GABRG3: variants seen among roughly 807,000 people sequenced by gnomAD.
The protein encoded by GABRG3 is gamma-aminobutyric acid type A receptor subunit gamma3.
In GABRG3, 25 loss-of-function variants were observed where a neutral mutation model predicts 48.8. The ratio of observed to expected loss-of-function variants is 0.51; its 90% CI spans 0.37 to 0.72. GABRG3 has a LOEUF of 0.72. GABRG3 is among the 30% of genes least tolerant of loss of function. The pLI, the probability that GABRG3 is intolerant of heterozygous loss-of-function variation, is 0.00. For synonymous variants in GABRG3, 227 were observed against 217.6 expected (o/e 1.04, Z -0.38); for missense variants, 394 against 577.9 (o/e 0.68, Z 3.26).
In GABRG3 at chr15:27,234,921, G is replaced by A. The variant is rs369444236; in HGVS notation, c.271-91888G>A. Among the ~76,000 whole-genome samples, 16 of 152,282 alleles carry A rather than the reference G, an allele frequency of 1.1e-4. No individual in the cohort carries two copies. In the South Asian group the frequency reaches 3.1e-3, roughly 30 times the overall value. ...CTGAGGTACCCAGCGTGAGGGAAAG[G>A]GGGTTGCTGTCAGGGTGGAGGGAGA... is the stretch of plus-strand genomic sequence containing the variant. On this transcript the variant is annotated intron_variant, in intron 3 of 9. Coordinates refer to ENST00000615808, the MANE Select transcript of GABRG3 (RefSeq NM_033223.5).
chr15:27,439,080 TCTC>T (rs1216200787), intron 5 of GABRG3, among the ~76,000 whole-genome samples: 2 of 152,066 alleles, frequency 1.3e-5, no homozygotes, highest in African/African-American at 4.8e-5. Flanking sequence ...CTGTTAACTT[TCTC>T]CTCCTCCTCT....
chr15:27,001,445 A>G (rs573934093), intron 2 of GABRG3, among the ~76,000 whole-genome samples: 3 of 152,274 alleles, frequency 2.0e-5, no homozygotes, highest in African/African-American at 4.8e-5. Flanking sequence ...CCCGCACACA[A>G]TGCCACTCCA....
chr15:27,434,398 A>G (rs1334983326), intron 5 of GABRG3, among the ~76,000 whole-genome samples: 1 of 152,208 alleles, frequency 6.6e-6, no homozygotes, highest in Non-Finnish European at 1.5e-5. Context: ...AGAGGTCTGT[A>G]CTATACCATT....
intron 5 of GABRG3, among the ~76,000 whole-genome samples, chr15:27,411,196 G>C (rs557848111): frequency 2.0e-5 from 3 of 152,248 alleles, no homozygotes; most frequent in East Asian, 1.9e-4. Flanking sequence ...TTAAACGACT[G>C]TGGTTAGTAG....
intron 3 of GABRG3, among the ~76,000 whole-genome samples, chr15:27,044,171 C>T (rs1396663135): frequency 6.6e-6 from 1 of 152,162 alleles, no homozygotes; most frequent in Non-Finnish European, 1.5e-5. Flanking sequence ...CAACACATCA[C>T]TAGGCCCAGC....
chr15:27,132,524 T>C (rs1182554090), intron 3 of GABRG3, among the ~76,000 whole-genome samples: 1 of 143,208 alleles, frequency 7.0e-6, no homozygotes, highest in Non-Finnish European at 1.5e-5. Context: ...TTTTTCTTCC[T>C]GATTCAACTT....
chr15:27,025,498 G>T (rs977864295), intron 2 of GABRG3, among the ~76,000 whole-genome samples: 15 of 152,196 alleles, frequency 9.9e-5, no homozygotes, highest in African/African-American at 3.6e-4. Context: ...ATGGAATTGT[G>T]TTGGGGCATT....
chr15:27,366,890 C>A (rs1242762502), intron 5 of GABRG3, among the ~76,000 whole-genome samples: 2 of 152,162 alleles, frequency 1.3e-5, no homozygotes, highest in Admixed American at 1.3e-4. Context: ...TGTGTCTCTG[C>A]AGATCTGCAC....
intron 3 of GABRG3, among the ~76,000 whole-genome samples, chr15:27,235,132 T>TAGAA (rs146805015): frequency 0.018 from 2,800 of 152,344 alleles, 84 homozygotes; most frequent in African/African-American, 0.064. Context: ...CCAGATGTCC[T>TAGAA]AGATTTTGTT....
rs1170366748 is a variant in GABRG3 at position 27,447,672 on chromosome 15, TA to T, written c.575-32972del. Among the ~76,000 whole-genome samples the T allele has an allele frequency of 6.6e-6, 1 of 152,100 alleles. No homozygotes were observed. The highest frequency in any genetic ancestry group is 1.5e-5 in the Non-Finnish European group (1 of 68,018). On this transcript the variant is annotated intron_variant, in intron 5 of 9. Transcript: ENST00000615808. The surrounding 1 kb of genome is among the most constrained non-coding windows in gnomAD (Gnocchi z 4.0). ...TACACTGTGGAATACTATGCAGCCA[TA>T]AAAAAGGATGAGTTCATTTCCTTTG...
chr15:27,128,859 T>C (rs1004521160), intron 3 of GABRG3, among the ~76,000 whole-genome samples: 4 of 152,344 alleles, frequency 2.6e-5, no homozygotes, highest in South Asian at 2.1e-4. Flanking sequence ...ATGAGGTCAA[T>C]TGGATATTTT....
intron 3 of GABRG3, among the ~76,000 whole-genome samples, chr15:27,088,886 G>A (rs753069689): frequency 6.6e-6 from 1 of 152,134 alleles, no homozygotes; most frequent in Non-Finnish European, 1.5e-5. Context: ...GACGGGGTGA[G>A]CCATGGGGGA....
intron 3 of GABRG3, among the ~76,000 whole-genome samples, chr15:27,216,171 C>CA (rs1283488698): frequency 9.9e-5 from 15 of 152,178 alleles, no homozygotes; most frequent in African/African-American, 3.1e-4. Context: ...AGGTGGATCC[C>CA]AGGCTGCCTT....
chr15:27,476,818 G>A (rs557807807), intron 5 of GABRG3, among the ~76,000 whole-genome samples: 3 of 152,252 alleles, frequency 2.0e-5, no homozygotes, highest in South Asian at 2.1e-4. Flanking sequence ...TTACATCTAA[G>A]AATGTCAACA....
At chr15:27,326,663 G>C in intron 3 of GABRG3, 146 bp from the exon 4 acceptor site, 1 of 643,784 alleles carries the variant, frequency 1.6e-6, no homozygotes, top group African/African-American at 1.8e-5. Context: ...CTGAGTGCTT[G>C]CCATGTTGAA....
chr15:27,182,384 C>T (rs752837395), intron 3 of GABRG3, among the ~76,000 whole-genome samples: 65 of 152,298 alleles, frequency 4.3e-4, no homozygotes, highest in Non-Finnish European at 7.5e-4. Context: ...AAATTACTCT[C>T]AAATACTAAA....
intron 3 of GABRG3, among the ~76,000 whole-genome samples, chr15:27,130,972 C>A (rs796622175): frequency 2.6e-5 from 4 of 151,900 alleles, no homozygotes; most frequent in Admixed American, 2.6e-4. Context: ...TATAAAATCA[C>A]GTCTGTGAAA....
At chr15:27,344,005 A>G (rs183092823) in intron 5 of GABRG3, among the ~76,000 whole-genome samples, 269 of 152,354 alleles carry the variant, frequency 1.8e-3, no homozygotes, top group African/African-American at 6.0e-3. Context: ...TGTTGCAGCC[A>G]TGCCAGCAAG....
chr15:27,370,100 C>T (rs1232099164), intron 5 of GABRG3, among the ~76,000 whole-genome samples: 1 of 152,202 alleles, frequency 6.6e-6, no homozygotes. Flanking sequence ...TAATGGAATT[C>T]AGCAGCAAAT....
Sources: allele counts gnomAD v4.1 joint callset (sites outside exome capture counted in the v4.1 genomes callset), GRCh38; gene constraint gnomAD v4.1.1; non-coding constraint Gnocchi (gnomAD v3.1); transcripts MANE v1.5; gene names NCBI Gene and HGNC (gene_info 2026-07-23, HGNC 2026-07-21).